ANKRD55: variants seen among roughly 807,000 people sequenced by gnomAD.
ANKRD55 encodes ankyrin repeat domain 55.
A neutral mutation model predicts 60.6 loss-of-function variants in ANKRD55; 41 were observed. That is an observed-to-expected ratio of 0.68 (90% CI 0.53 to 0.88). The LOEUF (loss-of-function observed/expected upper bound fraction) is 0.88. Among genes scored for constraint, ANKRD55 ranks in the 40% least tolerant of loss-of-function variants. ANKRD55 has a pLI of 0.00. For synonymous variants in ANKRD55, 264 were observed against 290.3 expected (o/e 0.91, Z 0.92); for missense variants, 732 against 767.6 (o/e 0.95, Z 0.55).
At chr5:56,199,045 A>C (rs559892557) in intron 2 of ANKRD55, among the ~76,000 whole-genome samples, 1 of 152,006 alleles carries the variant, frequency 6.6e-6, no homozygotes. Flanking sequence ...GCGCCACTGC[A>C]CTCCAGCCTG....
At chr5:56,131,254 G>A (rs530485503) in intron 7 of ANKRD55, among the ~76,000 whole-genome samples, 15 of 152,208 alleles carry the variant, frequency 9.9e-5, no homozygotes, top group South Asian at 4.1e-4. Context: ...CCAGAAGGAA[G>A]CCAGAGGAAA....
intron 5 of ANKRD55, among the ~76,000 whole-genome samples, chr5:56,169,612 A>G (rs1758560825): frequency 6.6e-6 from 1 of 152,164 alleles, no homozygotes; most frequent in Non-Finnish European, 1.5e-5. Flanking sequence ...CCTTGGGAAT[A>G]GTCCTGGAAT....
intron 2 of ANKRD55, among the ~76,000 whole-genome samples, chr5:56,205,066 T>C (rs1175611320): frequency 6.6e-6 from 1 of 151,600 alleles, no homozygotes; most frequent in Admixed American, 6.6e-5. Context: ...TTTTCTTTCT[T>C]TTTTTTTCTT....
chr5:56,155,727 T>C (rs1335445032), intron 6 of ANKRD55, among the ~76,000 whole-genome samples: 1 of 151,892 alleles, frequency 6.6e-6, no homozygotes, highest in East Asian at 1.9e-4. Context: ...CTGCCTGTAG[T>C]CCTAGCTACT....
chr5:56,185,896 C>T (rs902068650), intron 2 of ANKRD55, among the ~76,000 whole-genome samples: 2 of 152,174 alleles, frequency 1.3e-5, no homozygotes, highest in South Asian at 4.1e-4. Flanking sequence ...AAATGATTCA[C>T]TTATGACAAC....
At chr5:56,158,696 C>A (rs1442286338) in intron 6 of ANKRD55, among the ~76,000 whole-genome samples, 2 of 152,080 alleles carry the variant, frequency 1.3e-5, no homozygotes, top group East Asian at 1.9e-4. Context: ...TTTTTCTTTT[C>A]TTTTTGGAGG....
chr5:56,219,692 G>T (rs2111886979), intron 2 of ANKRD55, among the ~76,000 whole-genome samples: 1 of 152,272 alleles, frequency 6.6e-6, no homozygotes, highest in South Asian at 2.1e-4. Flanking sequence ...TGTGACTCCT[G>T]GTTAGTGGTC....
intron 2 of ANKRD55, among the ~76,000 whole-genome samples, chr5:56,203,507 C>T (rs568235800): frequency 1.1e-4 from 17 of 152,196 alleles, no homozygotes; most frequent in East Asian, 3.9e-4. Flanking sequence ...CAACAGTCCC[C>T]GGTGTGTGAT....
chr5:56,173,582 C>CTCTCTCTATA (rs1484157730), intron 4 of ANKRD55, among the ~76,000 whole-genome samples: 4 of 45,240 alleles, frequency 8.8e-5, no homozygotes, highest in Admixed American at 3.5e-4. Context: ...CTCTCTCTCT[C>CTCTCTCTATA]TATATATATA....
rs147653285 is a variant in ANKRD55 at position 56,143,343 on chromosome 5, G to C, written c.612+458C>G. The stretch of plus-strand genomic sequence containing the variant: ...GATTTGTTTGGTTGTGTGTATTGAC[G>C]TGGACTCCCTTATGTGATAGTGATG... On this transcript the variant is annotated intron_variant, in intron 7 of 11. Transcript: ENST00000341048. Among the ~76,000 whole-genome samples, 97 of 152,260 alleles carry C rather than the reference G, an allele frequency of 6.4e-4. 1 individual carries two copies. The highest frequency in any genetic ancestry group is 2.3e-3 in the African/African-American group (95 of 41,534).
chr5:56,119,219 T>C (rs1378425887), intron 8 of ANKRD55, among the ~76,000 whole-genome samples: 1 of 152,206 alleles, frequency 6.6e-6, no homozygotes, highest in African/African-American at 2.4e-5. Context: ...CCTATTCCAG[T>C]AGTACTGGAA....
intron 2 of ANKRD55, among the ~76,000 whole-genome samples, chr5:56,210,356 C>T (rs979542045): frequency 6.6e-6 from 1 of 151,998 alleles, no homozygotes; most frequent in East Asian, 1.9e-4. Flanking sequence ...GGGCGGATCA[C>T]GAGGTCAGGA....
chr5:56,205,477 G>A (rs561502098), intron 2 of ANKRD55, among the ~76,000 whole-genome samples: 2 of 152,340 alleles, frequency 1.3e-5, no homozygotes, highest in South Asian at 4.1e-4. Context: ...TACCTCACAA[G>A]CTAGTGCGCT....
At chr5:56,210,341 G>A (rs1759632724) in intron 2 of ANKRD55, among the ~76,000 whole-genome samples, 1 of 152,016 alleles carries the variant, frequency 6.6e-6, no homozygotes, top group African/African-American at 2.4e-5. Context: ...TTGGGAGGCC[G>A]AGGCGGGCGG....
At position 56,141,262 on chromosome 5, in the gene ANKRD55, G is replaced by A. The variant is rs184322364; in HGVS notation, c.612+2539C>T. Among the ~76,000 whole-genome samples, 216 of 144,990 alleles carry A rather than the reference G, an allele frequency of 1.5e-3. 1 individual carries two copies. The highest frequency in any genetic ancestry group is 3.8e-3 in the Middle Eastern group (1 of 260). ...GGTGAGATTATAGCCACAGCTCCCA[G>A]CCAATACAAATATTTTTTTTAAGAG... On this transcript the variant is annotated intron_variant, in intron 7 of 11. Coordinates refer to ENST00000341048, the MANE Select transcript of ANKRD55 (RefSeq NM_024669.3).
chr5:56,123,987 T>A (rs558481578), intron 8 of ANKRD55, among the ~76,000 whole-genome samples: 1 of 152,226 alleles, frequency 6.6e-6, no homozygotes, highest in Admixed American at 6.5e-5. Context: ...AGTGGGCGGA[T>A]GTGGTGGCCG....
chr5:56,132,389 G>C (rs911461661), intron 7 of ANKRD55, among the ~76,000 whole-genome samples: 2 of 149,648 alleles, frequency 1.3e-5, no homozygotes, highest in Admixed American at 6.7e-5. Flanking sequence ...GACCATCCTG[G>C]CTAACACGGT....
chr5:56,138,352 TC>T (rs934647756), intron 7 of ANKRD55, among the ~76,000 whole-genome samples: 12 of 152,250 alleles, frequency 7.9e-5, no homozygotes, highest in South Asian at 4.1e-4. Flanking sequence ...GGTCTCAAAC[TC>T]CTGATCTCAT....
intron 7 of ANKRD55, chr5:56,127,713 T>G (rs1280802669): frequency 2.9e-6 from 1 of 349,026 alleles, no homozygotes. Flanking sequence ...AAAGATAAAG[T>G]GAGAATTTCC....
Sources: allele counts gnomAD v4.1 joint callset (sites outside exome capture counted in the v4.1 genomes callset), GRCh38; gene constraint gnomAD v4.1.1; transcripts MANE v1.5; gene names NCBI Gene and HGNC (gene_info 2026-07-23, HGNC 2026-07-21).